The following THSD7B variants were observed in gnomAD, a reference collection of about 807,000 sequenced individuals.
The protein encoded by THSD7B is thrombospondin type 1 domain containing 7B.
Under a neutral mutation model 213.6 loss-of-function variants are expected in THSD7B, and 138 were observed. The observed-to-expected ratio is 0.65, with a 90% confidence interval of 0.56 to 0.74. The LOEUF is 0.74. Ranked by LOEUF, THSD7B falls within the 30% of genes least tolerant of loss-of-function variation. The pLI is 0.00. For missense variants in THSD7B, 1,931 were observed against 1,991.5 expected, an observed-to-expected ratio of 0.97 and a Z score of 0.58; for synonymous variants, 742 against 687.0, an observed-to-expected ratio of 1.08 and a Z score of -1.25.
At chr2:136,920,548 C>A (rs1330856290) in intron 2 of THSD7B, among the ~76,000 whole-genome samples, 1 of 152,146 alleles carries the variant, frequency 6.6e-6, no homozygotes, top group African/African-American at 2.4e-5. Context: ...AAAGTACTGT[C>A]CAATTGGCCA....
intron 15 of THSD7B, among the ~76,000 whole-genome samples, chr2:137,505,529 C>T (rs903909740): frequency 1.4e-4 from 21 of 152,336 alleles, no homozygotes; most frequent in African/African-American, 3.6e-4. Flanking sequence ...ACTCATAGGC[C>T]ACTGTCTAGT....
At chr2:137,120,057 A>G (rs141280133) in intron 5 of THSD7B, among the ~76,000 whole-genome samples, 1 of 152,258 alleles carries the variant, frequency 6.6e-6, no homozygotes, top group East Asian at 1.9e-4. Context: ...TAGAGGAGCA[A>G]TGAGACTGTT....
intron 15 of THSD7B, among the ~76,000 whole-genome samples, chr2:137,562,626 G>GTT (rs1553460303): frequency 1.3e-5 from 2 of 150,480 alleles, no homozygotes; most frequent in Non-Finnish European, 3.0e-5. Context: ...GTGTGTGTGT[G>GTT]TGTGTATCTG....
In THSD7B at chr2:136,921,893, C is replaced by T. The variant is rs1684444149; in HGVS notation, c.139+39576C>T. On this transcript the variant is annotated intron_variant, in intron 2 of 27. Transcript: ENST00000409968. ...ATTTTGCACAGAGGTGGCTAATTTCCTTAGAAACTTTCTAAGCTGTAAAGA... is the reference window on the plus strand; with the variant it reads ...ATTTTGCACAGAGGTGGCTAATTTCTTTAGAAACTTTCTAAGCTGTAAAGA... Among the ~76,000 whole-genome samples, 4 of 152,268 alleles carry T rather than the reference C, an allele frequency of 2.6e-5. No homozygotes were observed. In the South Asian group the frequency reaches 8.3e-4, roughly 32 times the overall value.
At chr2:137,388,756 G>C (rs191421528) in intron 12 of THSD7B, among the ~76,000 whole-genome samples, 1 of 152,154 alleles carries the variant, frequency 6.6e-6, no homozygotes, top group African/African-American at 2.4e-5. Context: ...ACATGAGTAA[G>C]AAAATGCATT....
chr2:137,345,473 G>C (rs1381801719), intron 12 of THSD7B, among the ~76,000 whole-genome samples: 4 of 151,642 alleles, frequency 2.6e-5, no homozygotes, highest in Admixed American at 2.6e-4. Context: ...TCTAGACATA[G>C]ACATAGACGT....
intron 7 of THSD7B, among the ~76,000 whole-genome samples, chr2:137,194,497 T>C (rs1680721766): frequency 6.6e-6 from 1 of 152,230 alleles, no homozygotes; most frequent in Admixed American, 6.5e-5. Flanking sequence ...TTTATTTTAA[T>C]TGAATTAGTT....
intron 25 of THSD7B, among the ~76,000 whole-genome samples, chr2:137,662,234 TTTTTTTTC>T (rs1174888067): frequency 1.2e-4 from 14 of 118,292 alleles, no homozygotes; most frequent in African/African-American, 3.0e-4. Context: ...GGCTAATTTT[TTTTTTTTC>T]TTTTTTTTTT....
chr2:137,106,743 C>T lies in THSD7B; in HGVS notation c.1200-8381C>T, dbSNP rs571015927. ...AAAGTGGTCAAAGGATATGAACAGACATTTCTCAAAAGAAGACATTTATGC... is the reference window on the plus strand; with the variant it reads ...AAAGTGGTCAAAGGATATGAACAGATATTTCTCAAAAGAAGACATTTATGC... On this transcript the variant is annotated intron_variant, in intron 4 of 27. Coordinates refer to ENST00000409968, the MANE Select transcript of THSD7B (RefSeq NM_001316349.2). 2.0e-5 allele frequency among the ~76,000 whole-genome samples: 3 copies of T among 152,324 alleles called. No homozygotes were observed. In the South Asian group the frequency reaches 6.2e-4, roughly 32 times the overall value.
intron 2 of THSD7B, among the ~76,000 whole-genome samples, chr2:137,041,003 G>A (rs2104861734): frequency 6.6e-6 from 1 of 152,226 alleles, no homozygotes; most frequent in South Asian, 2.1e-4. Flanking sequence ...TGGTGCCAAG[G>A]GAATAGAATT....
chr2:137,110,159 A>G lies in THSD7B; in HGVS notation c.1200-4965A>G, dbSNP rs550425183. The stretch of plus-strand genomic sequence containing the variant: ...CCCACCTGGTAACTGGTGCCATGCC[A>G]TGTATTGATGCATTTATGTCTGTCT... On this transcript the variant is annotated intron_variant, in intron 4 of 27. Transcript: ENST00000409968. Among the ~76,000 whole-genome samples, 73 of 152,136 alleles carry G rather than the reference A, an allele frequency of 4.8e-4. 1 individual carries two copies. Among genetic ancestry groups the G allele is most frequent in the African/African-American group, 1.8e-3 (73 of 41,510 alleles).
At chr2:137,256,909 A>G (rs1682323699) in intron 10 of THSD7B, among the ~76,000 whole-genome samples, 1 of 152,186 alleles carries the variant, frequency 6.6e-6, no homozygotes, top group African/African-American at 2.4e-5. Flanking sequence ...TATTTCTTAC[A>G]GTTCTGGAGA....
At chr2:137,468,316 C>A (rs1463990640) in intron 15 of THSD7B, among the ~76,000 whole-genome samples, 1 of 152,072 alleles carries the variant, frequency 6.6e-6, no homozygotes, top group Non-Finnish European at 1.5e-5. Context: ...AGGGATGATA[C>A]ATTCAGAAGA....
At chr2:137,057,585 A>G (rs1049953713) in intron 3 of THSD7B, among the ~76,000 whole-genome samples, 6 of 152,198 alleles carry the variant, frequency 3.9e-5, no homozygotes, top group African/African-American at 7.2e-5. Flanking sequence ...TTCAAGTTCA[A>G]TTTCAAATGT....
intron 15 of THSD7B, among the ~76,000 whole-genome samples, chr2:137,535,456 C>T (rs753834298): frequency 6.6e-6 from 1 of 151,776 alleles, no homozygotes; most frequent in Non-Finnish European, 1.5e-5. Context: ...GCAATGACCA[C>T]GTAGGCTCCA....
chr2:137,572,362 CA>C (rs1336678700), intron 16 of THSD7B, 43 bp from the exon 17 acceptor site: 3 of 1,603,706 alleles, frequency 1.9e-6, no homozygotes, highest in Non-Finnish European at 2.6e-6. Flanking sequence ...ATATACTCTC[CA>C]CTGTTTTAAA....
intron 15 of THSD7B, among the ~76,000 whole-genome samples, chr2:137,532,442 G>C (rs2105181070): frequency 6.6e-6 from 1 of 151,890 alleles, no homozygotes; most frequent in East Asian, 1.9e-4. Flanking sequence ...CTGTTTCTCT[G>C]TGTTTTGTAA....
At chr2:136,986,214 A>G (rs1290432782) in intron 2 of THSD7B, among the ~76,000 whole-genome samples, 2 of 152,204 alleles carry the variant, frequency 1.3e-5, no homozygotes, top group South Asian at 4.1e-4. Context: ...TTACTAAGGC[A>G]TGATTGTATT....
chr2:137,241,598 A>G (rs1329523903), intron 9 of THSD7B, among the ~76,000 whole-genome samples: 1 of 152,000 alleles, frequency 6.6e-6, no homozygotes, highest in East Asian at 1.9e-4. Context: ...CCAACTTTTC[A>G]GTCTACGTGT....
Sources: allele counts gnomAD v4.1 joint callset (sites outside exome capture counted in the v4.1 genomes callset), GRCh38; gene constraint gnomAD v4.1.1; transcripts MANE v1.5; gene names NCBI Gene and HGNC (gene_info 2026-07-23, HGNC 2026-07-21).